The following RAB15 variants were observed in gnomAD, a reference collection of about 807,000 sequenced individuals.
RAB15 encodes ras-related protein Rab-15.
A neutral mutation model predicts 31.8 loss-of-function variants in RAB15; 13 were observed. The observed-to-expected ratio is 0.41, with a 90% CI of 0.27 to 0.65. RAB15 has a LOEUF of 0.65. RAB15 is among the 30% of genes least tolerant of loss of function. The probability of loss-of-function intolerance (pLI) is 0.32; values close to 1 mark genes in which losing one functional copy is unlikely to be tolerated. For missense variants in RAB15, 220 were observed against 277.3 expected (o/e 0.79, Z 1.47); for synonymous variants, 100 against 105.6 (o/e 0.95, Z 0.33).
In RAB15 at chr14:64,962,841, C is replaced by T. The variant is rs185298765; in HGVS notation, c.124+9112G>A. ...GCACCTGCATCTGTACTGTTTACTG[C>T]GTGTCTTCTAGCATCTGGTTTAGTT... On this transcript the variant is annotated intron_variant, in intron 1 of 6. Coordinates refer to ENST00000533601, the MANE Select transcript of RAB15 (RefSeq NM_001308154.2). This position sits in a 1 kb window ranked among gnomAD's most constrained non-coding sequence, Gnocchi z 4.2. 7.9e-5 allele frequency among the ~76,000 whole-genome samples: 12 copies of T among 152,308 alleles called. No individual in the cohort carries two copies. Among genetic ancestry groups the T allele is most frequent in the Admixed American group, 3.3e-4 (5 of 15,292 alleles).
In RAB15 at chr14:64,954,119, AT is replaced by A; in HGVS notation, c.125-1549del. The stretch of plus-strand genomic sequence containing the variant: ...AGAACGGGCAACCTGAACTAAATCG[AT>A]TTGGTCAGACGTGAATCATTTCTCG... On this transcript the variant is annotated intron_variant, in intron 1 of 6. Transcript: ENST00000533601. The surrounding 1 kb of genome is among the most constrained non-coding windows in gnomAD (Gnocchi z 4.3). 1.0e-6 allele frequency: 1 copy of A among 985,436 alleles called. No homozygotes were observed. Among genetic ancestry groups the A allele is most frequent in the Non-Finnish European group, 1.2e-6 (1 of 829,938 alleles). The allele number at this position is 985,436 out of a possible 1,614,324, so 61.0% of individuals were successfully genotyped here.
rs754020995 is a variant in RAB15 at position 64,950,977 on chromosome 14, G to C, written c.324+97C>G. ...TTCATCCAGGGCTGTGGAAGGCAAA[G>C]CTTCCTGGAAGCATTTGCCTTCCCA... On this transcript the variant is annotated intron_variant, in intron 4 of 6. Transcript: ENST00000533601. This position sits in a 1 kb window ranked among gnomAD's most constrained non-coding sequence, Gnocchi z 5.6. 2 of 1,613,848 alleles carry C rather than the reference G, an allele frequency of 1.2e-6. No homozygotes were observed. Among genetic ancestry groups the C allele is most frequent in the South Asian group, 2.2e-5 (2 of 91,060 alleles).
Position 64,947,143 on chromosome 14 carries a change from C to G in RAB15, c.*1211G>C, listed in dbSNP as rs1404165970. On this transcript the variant is annotated 3_prime_UTR_variant, in exon 7 of 7. Transcript: ENST00000533601. The surrounding 1 kb of genome is among the most constrained non-coding windows in gnomAD (Gnocchi z 5.6). Reference sequence around the variant, plus strand: ...CATAAACTTTGGGTCCCAGGAGAACCTTGGTTGCTGAAGGCTAGGCTCAGT... The same window carrying G: ...CATAAACTTTGGGTCCCAGGAGAACGTTGGTTGCTGAAGGCTAGGCTCAGT... The G allele has an allele frequency of 6.6e-6, 1 of 152,584 alleles. No individual in the cohort carries two copies. Among genetic ancestry groups the G allele is most frequent in the Non-Finnish European group, 1.5e-5 (1 of 68,054 alleles). 9.5% of individuals were successfully genotyped at this position (152,584 alleles called of 1,614,324 possible).
rs1887368060 is a variant in RAB15 at position 64,970,582 on chromosome 14, T to A, written c.124+1371A>T. 6.6e-6 allele frequency among the ~76,000 whole-genome samples: 1 copy of A among 152,208 alleles called. No homozygotes were observed. The highest frequency in any genetic ancestry group is 2.1e-4 in the South Asian group (1 of 4,830). ...GGAGACCCTAAAAGCTCAATGATAA[T>A]GGCAATAGCAGTAAGAACAATCAGC... On this transcript the variant is annotated intron_variant, in intron 1 of 6. Coordinates refer to ENST00000533601, the MANE Select transcript of RAB15 (RefSeq NM_001308154.2). The surrounding 1 kb of genome is among the most constrained non-coding windows in gnomAD (Gnocchi z 4.1).
rs1414884631 is a variant in RAB15 at position 64,958,385 on chromosome 14, A to T, written c.125-5814T>A. ...TTGTTCCCTCTTCTGCCATGTGAGG[A>T]TGGAGCTAGAAGGTGCCACCTTTGT... On this transcript the variant is annotated intron_variant, in intron 1 of 6. Coordinates refer to ENST00000533601, the MANE Select transcript of RAB15 (RefSeq NM_001308154.2). The surrounding 1 kb of genome is among the most constrained non-coding windows in gnomAD (Gnocchi z 4.4). 6.6e-6 allele frequency among the ~76,000 whole-genome samples: 1 copy of T among 152,126 alleles called. No individual in the cohort carries two copies. Among genetic ancestry groups the T allele is most frequent in the Non-Finnish European group, 1.5e-5 (1 of 68,016 alleles).
chr14:64,971,746 C>T lies in RAB15; in HGVS notation c.124+207G>A, dbSNP rs950040116. 4 of 577,752 alleles carry T rather than the reference C, an allele frequency of 6.9e-6. No individual in the cohort carries two copies. The highest frequency in any genetic ancestry group is 9.2e-6 in the Non-Finnish European group (3 of 325,762). The allele number at this position is 577,752 out of a possible 1,614,324, so 35.8% of individuals were successfully genotyped here. ...GGCTTCCCGGCAAGAGGCGGGAGAC[C>T]CCACCCCTGGTCCGGACGGCAGGCA... On this transcript the variant is annotated intron_variant, in intron 1 of 6. Coordinates refer to ENST00000533601, the MANE Select transcript of RAB15 (RefSeq NM_001308154.2). This position sits in a 1 kb window ranked among gnomAD's most constrained non-coding sequence, Gnocchi z 4.1.
Position 64,952,495 on chromosome 14 carries a change from C to T in RAB15, c.185+16G>A. 6.2e-7 allele frequency: 1 copy of T among 1,605,934 alleles called. No individual in the cohort carries two copies. Reference sequence around the variant, plus strand: ...CCTCTTCTCCTACATCTGCCTCCTCCTCCTCCCCAGCTCACCAGATCTGTA... The same window carrying T: ...CCTCTTCTCCTACATCTGCCTCCTCTTCCTCCCCAGCTCACCAGATCTGTA... On this transcript the variant is annotated intron_variant, in intron 2 of 6. Transcript: ENST00000533601. The surrounding 1 kb of genome is among the most constrained non-coding windows in gnomAD (Gnocchi z 4.2).
At chr14:64,956,952 G>GTTA (rs1566845175) in intron 1 of RAB15, among the ~76,000 whole-genome samples, 9 of 147,396 alleles carry the variant, frequency 6.1e-5, no homozygotes, top group East Asian at 2.0e-4. Context: ...TTTTTTTTTG[G>GTTA]GATGGAGTCT....
rs1162510869 is a variant in RAB15 at position 64,952,377 on chromosome 14, T to A, written c.185+134A>T. 7.4e-6 allele frequency: 5 copies of A among 673,064 alleles called. No homozygotes were observed. In the African/African-American group the frequency reaches 9.1e-5, roughly 12 times the overall value. 41.7% of individuals were successfully genotyped at this position (673,064 alleles called of 1,614,324 possible). On this transcript the variant is annotated intron_variant, in intron 2 of 6. Transcript: ENST00000533601. The surrounding 1 kb of genome is among the most constrained non-coding windows in gnomAD (Gnocchi z 4.2). ...ATAGGAAGAGATGGGCTTCTGAGAC[T>A]TCGCTTCCATCCATCAGAGAGGTGG... is the stretch of plus-strand genomic sequence containing the variant.
At chr14:64,949,748 GAAAA>G (rs796551653) in intron 5 of RAB15, among the ~76,000 whole-genome samples, 5 of 144,884 alleles carry the variant, frequency 3.5e-5, no homozygotes, top group East Asian at 2.0e-4. Flanking sequence ...AAGAAAGAAA[GAAAA>G]AAAAAATAAC....
rs1886414156 is a variant in RAB15, at chr14:64,954,149, GC to G, written c.125-1579del. 1 of 985,310 alleles carries G rather than the reference GC, an allele frequency of 1.0e-6. No homozygotes were observed. Among genetic ancestry groups the G allele is most frequent in the Non-Finnish European group, 1.2e-6 (1 of 829,936 alleles). The allele number at this position is 985,310 out of a possible 1,614,324, so 61.0% of individuals were successfully genotyped here. ...GTCAGACGTGAATCATTTCTCGCCT[GC>G]CCAAGCTGATTCATATCCATTGAGC... On this transcript the variant is annotated intron_variant, in intron 1 of 6. Transcript: ENST00000533601. The surrounding 1 kb of genome is among the most constrained non-coding windows in gnomAD (Gnocchi z 4.3).
In RAB15 at chr14:64,970,576, T is replaced by A. The variant is rs1004107785; in HGVS notation, c.124+1377A>T. ...AAGAGAGGAGACCCTAAAAGCTCAA[T>A]GATAATGGCAATAGCAGTAAGAACA... On this transcript the variant is annotated intron_variant, in intron 1 of 6. Transcript: ENST00000533601. The surrounding 1 kb of genome is among the most constrained non-coding windows in gnomAD (Gnocchi z 4.1). 2.0e-5 allele frequency among the ~76,000 whole-genome samples: 3 copies of A among 152,248 alleles called. No homozygotes were observed. The highest frequency in any genetic ancestry group is 2.9e-5 in the Non-Finnish European group (2 of 68,050).
intron 1 of RAB15, among the ~76,000 whole-genome samples, chr14:64,966,679 A>G (rs1217396328): frequency 6.6e-6 from 1 of 152,230 alleles, no homozygotes; most frequent in Non-Finnish European, 1.5e-5. Context: ...TCTTCAATTT[A>G]CAGATGCAGA....
In RAB15 at chr14:64,962,107, CG is replaced by C. The variant is rs1351225957; in HGVS notation, c.125-9537del. ...GCAGGCTCCTGGAATCCCAGCTACTCGGGAGGCTGAGGCATGAGAATCGCTT... is the reference window on the plus strand; with the variant it reads ...GCAGGCTCCTGGAATCCCAGCTACTCGGAGGCTGAGGCATGAGAATCGCTT... On this transcript the variant is annotated intron_variant, in intron 1 of 6. Transcript: ENST00000533601. This position sits in a 1 kb window ranked among gnomAD's most constrained non-coding sequence, Gnocchi z 4.2. Among the ~76,000 whole-genome samples the C allele has an allele frequency of 6.6e-6, 1 of 151,840 alleles. No homozygotes were observed. The highest frequency in any genetic ancestry group is 1.9e-4 in the East Asian group (1 of 5,158).
rs1886709059 is a variant in RAB15 at position 64,958,805 on chromosome 14, T to G, written c.125-6234A>C. Reference sequence around the variant, plus strand: ...ACAGATGGGCCCTCTCCCAACCAGGTGCCCAAAGCACGGAGAGCAGCTCAT... The same window carrying G: ...ACAGATGGGCCCTCTCCCAACCAGGGGCCCAAAGCACGGAGAGCAGCTCAT... On this transcript the variant is annotated intron_variant, in intron 1 of 6. Transcript: ENST00000533601. The surrounding 1 kb of genome is among the most constrained non-coding windows in gnomAD (Gnocchi z 4.4). Among the ~76,000 whole-genome samples, 1 of 152,078 alleles carries G rather than the reference T, an allele frequency of 6.6e-6. No homozygotes were observed.
rs919941926 is a variant in RAB15 at position 64,946,775 on chromosome 14, A to T, written c.*1579T>A. On this transcript the variant is annotated 3_prime_UTR_variant, in exon 7 of 7. Transcript: ENST00000533601. The stretch of plus-strand genomic sequence containing the variant: ...TTGGCTGCAGCCACGCAGTGCAGCT[A>T]ATGTGTGGCTTAAGAATGACCCTCT... 2.6e-5 allele frequency: 4 copies of T among 152,500 alleles called. No homozygotes were observed. The highest frequency in any genetic ancestry group is 4.8e-5 in the African/African-American group (2 of 41,426). The allele number at this position is 152,500 out of a possible 1,614,324, so 9.4% of individuals were successfully genotyped here.
In RAB15 at chr14:64,953,946, C is replaced by A; in HGVS notation, c.125-1375G>T. ...CATCCCCATCACCACTGCCACTCCACCTCCGCATCAGTTATTTGCCAAATG... is the reference window on the plus strand; with the variant it reads ...CATCCCCATCACCACTGCCACTCCAACTCCGCATCAGTTATTTGCCAAATG... On this transcript the variant is annotated intron_variant, in intron 1 of 6. Transcript: ENST00000533601. The surrounding 1 kb of genome is among the most constrained non-coding windows in gnomAD (Gnocchi z 4.6). 2 of 985,442 alleles carry A rather than the reference C, an allele frequency of 2.0e-6. No individual in the cohort carries two copies. The highest frequency in any genetic ancestry group is 2.4e-6 in the Non-Finnish European group (2 of 829,930). The allele number at this position is 985,442 out of a possible 1,614,324, so 61.0% of individuals were successfully genotyped here. A position where few individuals can be genotyped will look rare whatever the true frequency, so the allele number is the denominator to read the frequency against.
Position 64,951,557 on chromosome 14 carries a change from G to A in RAB15, c.246+46C>T, listed in dbSNP as rs376148325. ...ATCTCAAATACCCAGAGCTGGGAGT[G>A]TGGGTGGCAGCTTCCCACTTTGAAA... On this transcript the variant is annotated intron_variant, in intron 3 of 6. Coordinates refer to ENST00000533601, the MANE Select transcript of RAB15 (RefSeq NM_001308154.2). The surrounding 1 kb of genome is among the most constrained non-coding windows in gnomAD (Gnocchi z 7.2). 101 of 1,532,410 alleles carry A rather than the reference G, an allele frequency of 6.6e-5. No homozygotes were observed. The highest frequency in any genetic ancestry group is 6.3e-6 in the Non-Finnish European group (7 of 1,105,300). 94.9% of individuals were successfully genotyped at this position (1,532,410 alleles called of 1,614,324 possible). A position where few individuals can be genotyped will look rare whatever the true frequency, so the allele number is the denominator to read the frequency against.
chr14:64,966,893 CACA>C (rs1365051072), intron 1 of RAB15, among the ~76,000 whole-genome samples: 1 of 152,190 alleles, frequency 6.6e-6, no homozygotes, highest in East Asian at 1.9e-4. Context: ...CTGACCCTCT[CACA>C]ACGTCACACT....
Sources: gnomAD v4.1 joint callset for allele counts (sites outside exome capture counted in the v4.1 genomes callset) on GRCh38, gnomAD v4.1.1 for gene constraint, Gnocchi (gnomAD v3.1) non-coding constraint, MANE v1.5 for transcripts, NCBI Gene and HGNC (gene_info 2026-07-23, HGNC 2026-07-21) for gene names.